The following POGZ variants were observed in gnomAD, a reference collection of about 807,000 sequenced individuals.
POGZ encodes the protein pogo transposable element derived with ZNF domain, also known as pogo transposable element with ZNF domain.
In POGZ, 17 loss-of-function variants were observed where a neutral mutation model predicts 134.6. The ratio of observed to expected loss-of-function variants is 0.13; its 90% CI spans 0.09 to 0.19. The LOEUF (loss-of-function observed/expected upper bound fraction) is 0.19, where lower values mean the gene tolerates loss of function less well. Ranked by LOEUF, POGZ falls within the 10% of genes least tolerant of loss-of-function variation. The probability of loss-of-function intolerance (pLI) is 1.00; values close to 1 mark genes in which losing one functional copy is unlikely to be tolerated. For synonymous variants in POGZ, 693 were observed against 657.1 expected (o/e 1.05, Z -0.84); for missense variants, 1,306 against 1,769.7 (o/e 0.74, Z 4.70).
chr1:151,459,013 G>GCCCCCCCCC (rs550552322), intron 1 of POGZ, 139 bp downstream of exon 1: 1 of 142,050 alleles, frequency 7.0e-6, no homozygotes, highest in African/African-American at 2.5e-5. Context: ...CGCACCGCCG[G>GCCCCCCCCC]CCCCCCGCCC....
intron 10 of POGZ, 81 bp downstream of exon 10, chr1:151,423,316 T>G (rs1657251003): frequency 1.7e-6 from 2 of 1,189,110 alleles, no homozygotes; most frequent in African/African-American, 3.1e-5. Context: ...TGTAAATAAA[T>G]ATAATGGGCT....
chr1:151,447,377 C>CA (rs1224343375), intron 1 of POGZ, among the ~76,000 whole-genome samples: 2 of 149,624 alleles, frequency 1.3e-5, no homozygotes, highest in Admixed American at 6.7e-5. Context: ...ATCTTAAAAA[C>CA]AAAAAAATTG....
At chr1:151,457,834 G>C (rs960613230) in intron 1 of POGZ, among the ~76,000 whole-genome samples, 3 of 152,080 alleles carry the variant, frequency 2.0e-5, no homozygotes, top group Non-Finnish European at 2.9e-5. Context: ...GGCTGAGGCA[G>C]GAGAATCACT....
chr1:151,419,840 C>A (rs1287085261), intron 10 of POGZ, among the ~76,000 whole-genome samples: 1 of 151,930 alleles, frequency 6.6e-6, no homozygotes, highest in African/African-American at 2.4e-5. Flanking sequence ...TCAGGGAAAC[C>A]AAGAGAAAAA....
In POGZ at chr1:151,405,792, C is replaced by T; in HGVS notation, c.3243G>A (p.Leu1081=). The change falls in exon 19 of 19, where the codon CTG becomes CTA. Residue 1081 remains leucine, a synonymous_variant. Coordinates refer to ENST00000271715, the MANE Select transcript of POGZ (RefSeq NM_015100.4). The surrounding 1 kb of genome is among the most constrained non-coding windows in gnomAD (Gnocchi z 4.9). ...CCACAGCTCGCCGGGCATGGGGAGT[C>T]AGGTGGTGCCGCAGCATGAAACGCA... is the stretch of plus-strand genomic sequence containing the variant. ...WAVRFMLRHH[L]TPHARRAVAH... The T allele has an allele frequency of 6.2e-7, 1 of 1,614,156 alleles. No homozygotes were observed. Among genetic ancestry groups the T allele is most frequent in the Non-Finnish European group, 8.5e-7 (1 of 1,180,018 alleles).
chr1:151,454,024 T>C (rs1282525461), intron 1 of POGZ, among the ~76,000 whole-genome samples: 1 of 152,198 alleles, frequency 6.6e-6, no homozygotes. Context: ...TATCCTGACA[T>C]ACTTGGTTCT....
intron 9 of POGZ, 146 bp from the exon 10 acceptor site, chr1:151,423,697 G>A: frequency 1.4e-6 from 1 of 714,670 alleles, no homozygotes; most frequent in Non-Finnish European, 2.3e-6. Context: ...TCTGAGCCCA[G>A]AAAGATAATG....
chr1:151,424,375 T>A (rs1657424010), intron 8 of POGZ, 89 bp from the exon 9 acceptor site: 1 of 849,054 alleles, frequency 1.2e-6, no homozygotes, highest in East Asian at 2.6e-5. Flanking sequence ...TTGTTAACGG[T>A]TTGGTTTCAG....
chr1:151,457,745 G>A (rs1662944867), intron 1 of POGZ, among the ~76,000 whole-genome samples: 1 of 152,064 alleles, frequency 6.6e-6, no homozygotes, highest in Admixed American at 6.5e-5. Context: ...TGGCCAACAT[G>A]GTGAAACCTC....
At chr1:151,429,372 T>G (rs1237218766) in intron 5 of POGZ, 1 of 292,144 alleles carries the variant, frequency 3.4e-6, no homozygotes, top group Non-Finnish European at 6.4e-6. Context: ...CTGTAAACTC[T>G]GTTTTACTAC....
chr1:151,425,236 C>T, intron 7 of POGZ, 175 bp from the exon 8 acceptor site: 1 of 466,476 alleles, frequency 2.1e-6, no homozygotes, highest in South Asian at 2.0e-5. Context: ...GTCTCTCAGT[C>T]TGTTGCCCAG....
chr1:151,409,551 G>A (rs1310666028), intron 12 of POGZ, among the ~76,000 whole-genome samples: 1 of 152,154 alleles, frequency 6.6e-6, no homozygotes, highest in African/African-American at 2.4e-5. Flanking sequence ...TGCCCAGGCT[G>A]GTCTTCAACT....
intron 10 of POGZ, among the ~76,000 whole-genome samples, chr1:151,418,509 G>A (rs1656194632): frequency 6.6e-6 from 1 of 152,094 alleles, no homozygotes; most frequent in South Asian, 2.1e-4. Context: ...GAAGAAATAA[G>A]ACCTAGTAGA....
rs757953156 is a variant in POGZ at position 151,406,308 on chromosome 1, T to A, written c.2727A>T (p.Pro909=). The A allele has an allele frequency of 1.9e-6, 3 of 1,610,464 alleles. No homozygotes were observed. Among genetic ancestry groups the A allele is most frequent in the Non-Finnish European group, 2.5e-6 (3 of 1,178,026 alleles). Residue 909 remains proline, a synonymous_variant, in exon 19 of 19, where the codon CCA becomes CCT. Transcript: ENST00000271715. ...ELLTPLAPAL[P]SPASTATPPP... ...GTGGGGTTGCAGTTGAGGCTGGTGA[T>A]GGGAGTGCTGGGGCTAAGGGAGTTA...
intron 1 of POGZ, among the ~76,000 whole-genome samples, chr1:151,452,238 G>A (rs1244794639): frequency 1.3e-5 from 2 of 151,616 alleles, no homozygotes; most frequent in Non-Finnish European, 1.5e-5. Context: ...TAAACAGAAA[G>A]GATAATCATA....
intron 12 of POGZ, 131 bp from the exon 13 acceptor site, chr1:151,408,959 G>GT (rs1654166067): frequency 3.7e-6 from 3 of 806,898 alleles, no homozygotes; most frequent in Non-Finnish European, 5.9e-6. Context: ...ATTTAAGAGA[G>GT]TAAGAAAGAA....
At position 151,404,215 on chromosome 1, in the gene POGZ, CT is replaced by C; in HGVS notation, c.*586del. The C allele has an allele frequency of 3.0e-6, 3 of 985,534 alleles. No homozygotes were observed. The highest frequency in any genetic ancestry group is 3.6e-6 in the Non-Finnish European group (3 of 829,718). 61.0% of individuals were successfully genotyped at this position (985,534 alleles called of 1,614,324 possible). On this transcript the variant is annotated 3_prime_UTR_variant, in exon 19 of 19. Transcript: ENST00000271715. ...AGAAGGAAGAGAGAGTTCAGTGGGA[CT>C]TTTTTTCCATTTTCATTTTTATATA...
chr1:151,426,653 A>T (rs1389458817), intron 7 of POGZ: 1 of 152,206 alleles, frequency 6.6e-6, no homozygotes. Flanking sequence ...CGTCCTGCAC[A>T]AAAGTTTTAA....
At position 151,403,345 on chromosome 1, in the gene POGZ, C is replaced by G; in HGVS notation, c.*1457G>C. 1.0e-6 allele frequency: 1 copy of G among 985,282 alleles called. No individual in the cohort carries two copies. The highest frequency in any genetic ancestry group is 1.1e-4 in the East Asian group (1 of 8,812). 61.0% of individuals were successfully genotyped at this position (985,282 alleles called of 1,614,324 possible). On this transcript the variant is annotated 3_prime_UTR_variant, in exon 19 of 19. Coordinates refer to ENST00000271715, the MANE Select transcript of POGZ (RefSeq NM_015100.4). ...TAAACAGGGTCACCTAGAAAAAAAA[C>G]AAGTTTATAAATCCATTTCCCCTCA...
Sources: allele counts gnomAD v4.1 joint callset (sites outside exome capture counted in the v4.1 genomes callset), GRCh38; gene constraint gnomAD v4.1.1; non-coding constraint Gnocchi (gnomAD v3.1); transcripts MANE v1.5; gene names NCBI Gene and HGNC (gene_info 2026-07-23, HGNC 2026-07-21).